CENPC: variants seen among roughly 807,000 people sequenced by gnomAD.
CENPC encodes the protein centromere protein C.
A neutral mutation model predicts 112.1 loss-of-function variants in CENPC; 63 were observed. That is an observed-to-expected ratio of 0.56 (90% CI 0.46 to 0.69). The LOEUF (loss-of-function observed/expected upper bound fraction) is 0.69, where lower values mean the gene tolerates loss of function less well. Among genes scored for constraint, CENPC ranks in the 30% least tolerant of loss-of-function variants. CENPC has a pLI of 0.00. For missense variants in CENPC, 1,000 were observed against 1,103.8 expected, an observed-to-expected ratio of 0.91 and a Z score of 1.33; for synonymous variants, 333 against 367.6, an observed-to-expected ratio of 0.91 and a Z score of 1.08.
At position 67,539,865 on chromosome 4, in the gene CENPC, G is replaced by A. The variant is rs779707655; in HGVS notation, c.206C>T (p.Thr69Ile). 1 of 1,532,840 alleles carries A rather than the reference G, an allele frequency of 6.5e-7. No homozygotes were observed. The highest frequency in any genetic ancestry group is 8.8e-7 in the Non-Finnish European group (1 of 1,140,562). The allele number at this position is 1,532,840 out of a possible 1,614,324, so 95.0% of individuals were successfully genotyped here. The part of the protein sequence containing the change: ...VPNSTRKIKD[T>I]CIQSPSKECQ... Reference sequence around the variant, plus strand: ...CTCTTTGCTTGGTGACTGAATACAAGTGTCTTTTATTTTGCGTGTTGAATT... The same window carrying A: ...CTCTTTGCTTGGTGACTGAATACAAATGTCTTTTATTTTGCGTGTTGAATT... Residue 69 changes from threonine (T) to isoleucine (I), a missense_variant, in exon 4 of 19, where the codon ACT becomes ATT. Thr to Ile is a moderately conservative substitution (Grantham distance 89). Coordinates refer to ENST00000273853, the MANE Select transcript of CENPC (RefSeq NM_001812.4).
chr4:67,531,748 G>A (rs1041425441), intron 4 of CENPC, among the ~76,000 whole-genome samples: 8 of 152,172 alleles, frequency 5.3e-5, no homozygotes, highest in Non-Finnish European at 8.8e-5. Context: ...AGGAACACAG[G>A]AAGCCTATAT....
chr4:67,491,480 T>TAGAGAGAGAGAGAG lies in CENPC; in HGVS notation c.2515+686_2515+699dup, dbSNP rs71219046. Among the ~76,000 whole-genome samples, 45 of 18,098 alleles carry TAGAGAGAGAGAGAG rather than the reference T, an allele frequency of 2.5e-3. 5 individuals are homozygous for TAGAGAGAGAGAGAG. The highest frequency in any genetic ancestry group is 3.4e-3 in the Non-Finnish European group (33 of 9,596). The allele number at this position is 18,098 out of a possible 152,430, so 11.9% of individuals were successfully genotyped here. A position where few individuals can be genotyped will look rare whatever the true frequency, so the allele number is the denominator to read the frequency against. Reference sequence around the variant, plus strand: ...ATATATATATATATATATATATATATAGAGAGAGAGAGAGAGAGAGAGAGA... The same window carrying TAGAGAGAGAGAGAG: ...ATATATATATATATATATATATATATAGAGAGAGAGAGAGAGAGAGAGAGAGAGAGAGAGAGAGA... On this transcript the variant is annotated intron_variant, in intron 16 of 18. Coordinates refer to ENST00000273853, the MANE Select transcript of CENPC (RefSeq NM_001812.4).
At chr4:67,513,876 A>C (rs556285868) in intron 8 of CENPC, among the ~76,000 whole-genome samples, 198 bp downstream of exon 8, 1 of 152,166 alleles carries the variant, frequency 6.6e-6, no homozygotes, top group South Asian at 2.1e-4. Flanking sequence ...CTGCCATCTC[A>C]CAAGATAAAC....
In CENPC at chr4:67,505,269, G is replaced by A. The variant is rs927330768; in HGVS notation, c.2067C>T (p.Leu689=). The A allele has an allele frequency of 1.9e-6, 3 of 1,566,710 alleles. No individual in the cohort carries two copies. Among genetic ancestry groups the A allele is most frequent in the Non-Finnish European group, 2.6e-6 (3 of 1,156,502 alleles). Residue 689 remains leucine, a synonymous_variant, in exon 12 of 19, where the codon CTC becomes CTT. Transcript: ENST00000273853. The part of the protein sequence containing the change: ...SVLEESGPSR[L]NNNYLMSGKN... ...TTCCAGACATTAAATAATTATTATT[G>A]AGCCTGGAAGGTCCACTTAAGAAAA...
At position 67,537,234 on chromosome 4, in the gene CENPC, T is replaced by C. The variant is rs992221257; in HGVS notation, c.231+2606A>G. ...ATTTAAAAAAAATAGAAAATCTAAA[T>C]TGTCTACTGAAACTATTAAGTAAAA... On this transcript the variant is annotated intron_variant, in intron 4 of 18. Coordinates refer to ENST00000273853, the MANE Select transcript of CENPC (RefSeq NM_001812.4). Among the ~76,000 whole-genome samples the C allele has an allele frequency of 2.0e-5, 3 of 152,184 alleles. No homozygotes were observed. In the East Asian group the frequency reaches 5.8e-4, roughly 29 times the overall value.
At chr4:67,510,017 T>G (rs1449239539) in intron 9 of CENPC, among the ~76,000 whole-genome samples, 1 of 151,984 alleles carries the variant, frequency 6.6e-6, no homozygotes, top group Non-Finnish European at 1.5e-5. Flanking sequence ...AAAAAAGCCA[T>G]CAGTAATGAA....
intron 12 of CENPC, among the ~76,000 whole-genome samples, chr4:67,495,649 C>CA (rs2109781846): frequency 6.6e-6 from 1 of 151,826 alleles, no homozygotes; most frequent in South Asian, 2.1e-4. Context: ...ACAGTTAAAA[C>CA]AAACAAACAA....
At chr4:67,517,322 C>T (rs908619778) in intron 7 of CENPC, among the ~76,000 whole-genome samples, 3 of 151,542 alleles carry the variant, frequency 2.0e-5, no homozygotes, top group East Asian at 2.0e-4. Context: ...CCACCAAGCC[C>T]GACTAATTTT....
intron 17 of CENPC, among the ~76,000 whole-genome samples, chr4:67,478,899 C>T (rs1008499533): frequency 6.6e-6 from 1 of 152,086 alleles, no homozygotes; most frequent in Non-Finnish European, 1.5e-5. Flanking sequence ...CAAATGGATA[C>T]CAAAAGAGAG....
intron 17 of CENPC, among the ~76,000 whole-genome samples, chr4:67,482,961 T>G (rs917741175): frequency 6.6e-6 from 1 of 152,166 alleles, no homozygotes; most frequent in African/African-American, 2.4e-5. Context: ...GGTAGTTGAA[T>G]CATGGGGGCA....
At chr4:67,542,029 C>T (rs1009081844) in intron 2 of CENPC, among the ~76,000 whole-genome samples, 8 of 152,144 alleles carry the variant, frequency 5.3e-5, no homozygotes, top group African/African-American at 1.9e-4. Flanking sequence ...TATTTCATTG[C>T]TTTTTAGAGT....
chr4:67,501,912 A>G (rs976810202), intron 12 of CENPC, among the ~76,000 whole-genome samples: 13 of 143,362 alleles, frequency 9.1e-5, no homozygotes, highest in Admixed American at 1.5e-4. Flanking sequence ...GGATCTCTGT[A>G]TAAGACTGAA....
intron 15 of CENPC, 87 bp downstream of exon 15, chr4:67,492,781 TA>T: frequency 3.6e-6 from 5 of 1,395,792 alleles, no homozygotes; most frequent in Non-Finnish European, 4.7e-6. Flanking sequence ...TTTTTGGAAG[TA>T]AATTTCATAT....
intron 17 of CENPC, among the ~76,000 whole-genome samples, chr4:67,477,786 TAAAGA>T (rs2109760604): frequency 6.6e-6 from 1 of 152,174 alleles, no homozygotes; most frequent in African/African-American, 2.4e-5. Context: ...AAAACCAACT[TAAAGA>T]ATTTTTTTTT....
At chr4:67,498,997 G>A (rs779223100) in intron 12 of CENPC, among the ~76,000 whole-genome samples, 45 of 152,278 alleles carry the variant, frequency 3.0e-4, no homozygotes, top group Admixed American at 7.8e-4. Flanking sequence ...ATCCATGCAT[G>A]AGCTGCAGAA....
intron 16 of CENPC, among the ~76,000 whole-genome samples, chr4:67,490,865 T>G (rs561135569): frequency 0.3 from 7,146 of 23,584 alleles, 316 homozygotes; most frequent in Middle Eastern, 0.44. Context: ...TATATATATA[T>G]ATATATATAT....
In CENPC at chr4:67,469,441, G is replaced by A. The variant is rs1724593330; in HGVS notation, c.*3164C>T. 1 of 152,258 alleles carries A rather than the reference G, an allele frequency of 6.6e-6. No homozygotes were observed. The highest frequency in any genetic ancestry group is 2.4e-5 in the African/African-American group (1 of 41,442). 9.4% of individuals were successfully genotyped at this position (152,258 alleles called of 1,614,324 possible). A position where few individuals can be genotyped will look rare whatever the true frequency, so the allele number is the denominator to read the frequency against. On this transcript the variant is annotated 3_prime_UTR_variant, in exon 19 of 19. Coordinates refer to ENST00000273853, the MANE Select transcript of CENPC (RefSeq NM_001812.4). ...GGCTCACTGCAACCATCATCTCCCAGGTTCAAGCAATTCTCCTGCCTCAGC... is the reference window on the plus strand; with the variant it reads ...GGCTCACTGCAACCATCATCTCCCAAGTTCAAGCAATTCTCCTGCCTCAGC...
chr4:67,480,187 C>T (rs1200433114), intron 17 of CENPC, among the ~76,000 whole-genome samples: 6 of 152,192 alleles, frequency 3.9e-5, no homozygotes, highest in East Asian at 1.9e-4. Flanking sequence ...GAATTGGTGG[C>T]GCATGCCTGT....
chr4:67,518,443 T>C, intron 6 of CENPC, 75 bp from the exon 7 acceptor site: 1 of 1,406,372 alleles, frequency 7.1e-7, no homozygotes, highest in Non-Finnish European at 9.2e-7. Flanking sequence ...TGAACTCCTT[T>C]ACAGAGACAA....
Sources: allele counts gnomAD v4.1 joint callset (sites outside exome capture counted in the v4.1 genomes callset), GRCh38; gene constraint gnomAD v4.1.1; transcripts MANE v1.5; gene names NCBI Gene and HGNC (gene_info 2026-07-23, HGNC 2026-07-21).